The following HACD2 variants were observed in gnomAD, a reference collection of about 807,000 sequenced individuals.
HACD2 encodes the protein 3-hydroxyacyl-CoA dehydratase 2.
HACD2 carries 15 observed loss-of-function variants against 31.0 expected under a neutral mutation model. The ratio of observed to expected loss-of-function variants is 0.48; its 90% confidence interval spans 0.32 to 0.75. The LOEUF is 0.75. HACD2 is among the 30% of genes least tolerant of loss of function. The probability of loss-of-function intolerance (pLI) is 0.03; values close to 1 mark genes in which losing one functional copy is unlikely to be tolerated. For synonymous variants in HACD2, 115 were observed against 122.2 expected (o/e 0.94, Z 0.39); for missense variants, 283 against 313.0 (o/e 0.90, Z 0.72).
rs114921496 is a variant in HACD2 at position 123,497,952 on chromosome 3, G to A, written c.682+2563C>T. Among the ~76,000 whole-genome samples, 661 of 152,360 alleles carry A rather than the reference G, an allele frequency of 4.3e-3. 4 individuals carry two copies. Among genetic ancestry groups the A allele is most frequent in the African/African-American group, 0.015 (644 of 41,594 alleles). On this transcript the variant is annotated intron_variant, in intron 6 of 6. Transcript: ENST00000383657. ...AAAGAAAACCAAATTTGGTAAAGGA[G>A]ACTGCATGTCAACAGCAACCTCTCC...
intron 4 of HACD2, among the ~76,000 whole-genome samples, chr3:123,506,636 T>C (rs2055978789): frequency 6.6e-6 from 1 of 152,136 alleles, no homozygotes; most frequent in East Asian, 1.9e-4. Flanking sequence ...GGTTTCACTA[T>C]GTTGCCCAGG....
At chr3:123,502,943 T>G (rs2107681857) in intron 4 of HACD2, 1 of 372,114 alleles carries the variant, frequency 2.7e-6, no homozygotes, top group African/African-American at 2.0e-5. Context: ...ACACGAGGGG[T>G]GGGGATTTAC....
chr3:123,531,558 C>T (rs376955451), intron 3 of HACD2, among the ~76,000 whole-genome samples: 5 of 152,118 alleles, frequency 3.3e-5, no homozygotes, highest in Non-Finnish European at 7.4e-5. Context: ...CCCGCTGCCT[C>T]GGTCTCCCAA....
Position 123,568,372 on chromosome 3 carries a change from C to T in HACD2, c.274-592G>A, listed in dbSNP as rs148767071. On this transcript the variant is annotated intron_variant, in intron 2 of 6. Coordinates refer to ENST00000383657, the MANE Select transcript of HACD2 (RefSeq NM_198402.5). ...CAGCTCCATCTGGGAGCCACAGCAG[C>T]GGCTCAAACACAGCCTCAGTGGGAA... is the stretch of plus-strand genomic sequence containing the variant. 3.5e-3 allele frequency among the ~76,000 whole-genome samples: 537 copies of T among 152,338 alleles called. 2 individuals carry two copies. The highest frequency in any genetic ancestry group is 0.012 in the African/African-American group (501 of 41,590).
chr3:123,583,233 C>T (rs2056984656), intron 1 of HACD2, among the ~76,000 whole-genome samples: 2 of 152,036 alleles, frequency 1.3e-5, no homozygotes, highest in Non-Finnish European at 2.9e-5. Context: ...TCTCACAATC[C>T]CAATTTATCT....
intron 3 of HACD2, 59 bp from the exon 4 acceptor site, chr3:123,528,533 A>G: frequency 9.7e-7 from 1 of 1,026,266 alleles, no homozygotes; most frequent in Non-Finnish European, 1.5e-6. Flanking sequence ...GATATATAAT[A>G]TATTTTCTAA....
chr3:123,496,318 C>T (rs2055832509), intron 6 of HACD2, among the ~76,000 whole-genome samples: 1 of 152,202 alleles, frequency 6.6e-6, no homozygotes, highest in Admixed American at 6.5e-5. Context: ...CTACCAAGCC[C>T]AGCCCAGTCT....
chr3:123,584,805 C>G (rs1398635974), intron 1 of HACD2, 68 bp downstream of exon 1: 2 of 1,292,110 alleles, frequency 1.5e-6, no homozygotes, highest in East Asian at 6.2e-5. Flanking sequence ...CCTATCCGCC[C>G]CGCCGCTGGC....
At chr3:123,573,639 C>T (rs184792050) in intron 2 of HACD2, among the ~76,000 whole-genome samples, 203 of 152,234 alleles carry the variant, frequency 1.3e-3, no homozygotes, top group Non-Finnish European at 1.8e-3. Flanking sequence ...CAGCCTTTAT[C>T]ACTAATAAAG....
At chr3:123,584,825 C>T in intron 1 of HACD2, 48 bp downstream of exon 1, 14 of 1,402,020 alleles carry the variant, frequency 1.0e-5, no homozygotes, top group Non-Finnish European at 1.3e-5. Flanking sequence ...CCGCAGGGCT[C>T]CCTCCCCGGC....
chr3:123,572,685 A>G (rs1177335878), intron 2 of HACD2, among the ~76,000 whole-genome samples: 3 of 152,182 alleles, frequency 2.0e-5, no homozygotes, highest in African/African-American at 7.2e-5. Context: ...AACTAGGGGA[A>G]TTATTTTTGT....
At chr3:123,568,197 C>A (rs2056812758) in intron 2 of HACD2, among the ~76,000 whole-genome samples, 1 of 152,324 alleles carries the variant, frequency 6.6e-6, no homozygotes, top group East Asian at 1.9e-4. Context: ...TCTTGCCTGG[C>A]AGGCCCTTCA....
At chr3:123,497,790 C>A (rs2055852267) in intron 6 of HACD2, among the ~76,000 whole-genome samples, 1 of 152,152 alleles carries the variant, frequency 6.6e-6, no homozygotes, top group Non-Finnish European at 1.5e-5. Context: ...GGGGTCAAGC[C>A]TCATGAGCCA....
chr3:123,497,500 C>T (rs1222580548), intron 6 of HACD2, among the ~76,000 whole-genome samples: 6 of 152,208 alleles, frequency 3.9e-5, no homozygotes, highest in Non-Finnish European at 8.8e-5. Flanking sequence ...TGGGCCAAGT[C>T]TCCTTGGTTT....
chr3:123,538,117 A>AG (rs1422890367), intron 3 of HACD2, among the ~76,000 whole-genome samples: 1 of 152,196 alleles, frequency 6.6e-6, no homozygotes, highest in Non-Finnish European at 1.5e-5. Flanking sequence ...TGGTGTTTTC[A>AG]GGGGACTGAC....
intron 6 of HACD2, among the ~76,000 whole-genome samples, chr3:123,495,635 TG>T (rs2055823546): frequency 6.6e-6 from 1 of 151,762 alleles, no homozygotes; most frequent in African/African-American, 2.4e-5. Context: ...AGCAAGCCAG[TG>T]TCTTAGGCAC....
intron 4 of HACD2, among the ~76,000 whole-genome samples, chr3:123,504,636 C>T (rs2055950028): frequency 6.6e-6 from 1 of 152,098 alleles, no homozygotes; most frequent in Non-Finnish European, 1.5e-5. Flanking sequence ...AGTTAGACCT[C>T]AGCCAAAAGA....
chr3:123,533,847 C>T (rs1353389452), intron 3 of HACD2, among the ~76,000 whole-genome samples: 1 of 152,116 alleles, frequency 6.6e-6, no homozygotes, highest in African/African-American at 2.4e-5. Context: ...TGAGGGGTGA[C>T]CAAACATTTG....
intron 3 of HACD2, among the ~76,000 whole-genome samples, chr3:123,534,853 AAATT>A (rs2056407025): frequency 6.6e-6 from 1 of 150,928 alleles, no homozygotes; most frequent in Non-Finnish European, 1.5e-5. Flanking sequence ...GTAAAAAAAG[AAATT>A]AAAAATAGGA....
Sources: allele counts gnomAD v4.1 joint callset (sites outside exome capture counted in the v4.1 genomes callset), GRCh38; gene constraint gnomAD v4.1.1; transcripts MANE v1.5; gene names NCBI Gene and HGNC (gene_info 2026-07-23, HGNC 2026-07-21).